Variants in TNKS observed in about 807,000 individuals in gnomAD.
TNKS encodes tankyrase.
In TNKS, 72 loss-of-function variants were observed where a neutral mutation model predicts 135.8. The ratio of observed to expected loss-of-function variants is 0.53; its 90% CI spans 0.44 to 0.64. The LOEUF is 0.64. Ranked by LOEUF, TNKS falls within the 30% of genes least tolerant of loss-of-function variation. The pLI, the probability that TNKS is intolerant of heterozygous loss-of-function variation, is 0.00. For missense variants in TNKS, 1,769 were observed against 1,674.0 expected, an observed-to-expected ratio of 1.06 and a Z score of -0.99; for synonymous variants, 849 against 649.3, an observed-to-expected ratio of 1.31 and a Z score of -4.68.
chr8:9,698,796 C>G (rs1803653937), intron 5 of TNKS, among the ~76,000 whole-genome samples: 1 of 152,156 alleles, frequency 6.6e-6, no homozygotes, highest in East Asian at 1.9e-4. Context: ...TACTGCACCG[C>G]AAATCTATAT....
intron 3 of TNKS, among the ~76,000 whole-genome samples, chr8:9,627,608 C>A (rs1353476100): frequency 1.3e-5 from 2 of 151,842 alleles, no homozygotes; most frequent in Admixed American, 1.3e-4. Flanking sequence ...GGGGAAAACT[C>A]CCCACACATT....
intron 1 of TNKS, among the ~76,000 whole-genome samples, chr8:9,561,109 C>G (rs1404280546): frequency 1.3e-5 from 2 of 152,130 alleles, no homozygotes; most frequent in African/African-American, 4.8e-5. Flanking sequence ...CATATATGTT[C>G]TTTTATCCGT....
chr8:9,706,123 A>T, intron 6 of TNKS, 64 bp from the exon 7 acceptor site: 1 of 1,100,228 alleles, frequency 9.1e-7, no homozygotes, highest in Non-Finnish European at 1.3e-6. Flanking sequence ...TTTATTTCTT[A>T]GTACGACATG....
intron 5 of TNKS, among the ~76,000 whole-genome samples, chr8:9,683,034 A>G (rs1802848563): frequency 1.3e-5 from 2 of 152,020 alleles, no homozygotes. Flanking sequence ...AAACTTAAGC[A>G]TTTATTAGGT....
At chr8:9,757,960 A>G (rs10111376) in intron 20 of TNKS, among the ~76,000 whole-genome samples, 65,637 of 152,024 alleles carry the variant, frequency 0.43, 14,663 homozygotes, top group East Asian at 0.52. Context: ...ATTGGACACC[A>G]TGTAACTCAC....
At chr8:9,761,432 C>G in intron 20 of TNKS, 84 bp from the exon 21 acceptor site, 6 of 1,384,750 alleles carry the variant, frequency 4.3e-6, no homozygotes, top group Admixed American at 2.0e-5. Context: ...GAATGGTACT[C>G]GTAGCATTGA....
chr8:9,574,259 G>C (rs551389859), intron 1 of TNKS, among the ~76,000 whole-genome samples: 3 of 152,310 alleles, frequency 2.0e-5, no homozygotes, highest in African/African-American at 7.2e-5. Context: ...CAGAAAAGCA[G>C]TTCATCGGGG....
chr8:9,764,406 C>G (rs1198374167), intron 22 of TNKS, among the ~76,000 whole-genome samples: 1 of 152,034 alleles, frequency 6.6e-6, no homozygotes, highest in East Asian at 1.9e-4. Flanking sequence ...TTGACTTAAT[C>G]AGAGTGTTAG....
intron 19 of TNKS, among the ~76,000 whole-genome samples, 192 bp from the exon 20 acceptor site, chr8:9,752,352 C>T (rs1806589025): frequency 6.6e-6 from 1 of 152,036 alleles, no homozygotes; most frequent in African/African-American, 2.4e-5. Context: ...AAAGATAAAA[C>T]ACTCTGTTTT....
Position 9,634,903 on chromosome 8 carries a change from C to G in TNKS, c.994+19226C>G, listed in dbSNP as rs28449585. 2.4e-4 allele frequency among the ~76,000 whole-genome samples: 36 copies of G among 152,098 alleles called. 1 individual carries two copies. The highest frequency in any genetic ancestry group is 8.5e-4 in the African/African-American group (35 of 41,402). On this transcript the variant is annotated intron_variant, in intron 3 of 26. Transcript: ENST00000310430. ...GAAAGTAATGAACTGCTCGGCCGGG[C>G]GCGGTGGCTCACTCCTGTAATCCCG...
rs147459978 is a variant in TNKS, at chr8:9,676,686, CTGTGTGTGTG to C, written c.995-3249_995-3240del. The stretch of plus-strand genomic sequence containing the variant: ...CTCGTATTTCTCCCTCTCTCTCTCT[CTGTGTGTGTG>C]TGTGTGTGTGTGTGTTTGTGTGTGT... On this transcript the variant is annotated intron_variant, in intron 3 of 26. Coordinates refer to ENST00000310430, the MANE Select transcript of TNKS (RefSeq NM_003747.3). Among the ~76,000 whole-genome samples, 27 of 147,886 alleles carry C rather than the reference CTGTGTGTGTG, an allele frequency of 1.8e-4. 3 individuals carry two copies. Among genetic ancestry groups the C allele is most frequent in the African/African-American group, 6.5e-4 (26 of 39,932 alleles).
chr8:9,686,081 A>C (rs1467316132), intron 5 of TNKS, among the ~76,000 whole-genome samples: 1 of 152,008 alleles, frequency 6.6e-6, no homozygotes, highest in Non-Finnish European at 1.5e-5. Flanking sequence ...TGCCACACTG[A>C]CTCTGGGCTT....
At chr8:9,680,860 G>A (rs1327097909) in intron 5 of TNKS, 60 bp downstream of exon 5, 1 of 1,297,574 alleles carries the variant, frequency 7.7e-7, no homozygotes. Context: ...TGTGAATGTG[G>A]CATATATATA....
At chr8:9,756,866 C>G (rs1294947897) in intron 20 of TNKS, among the ~76,000 whole-genome samples, 1 of 152,122 alleles carries the variant, frequency 6.6e-6, no homozygotes, top group East Asian at 1.9e-4. Context: ...CAAATCTGCC[C>G]TTCATAATGC....
intron 1 of TNKS, among the ~76,000 whole-genome samples, chr8:9,563,254 C>G (rs1797406463): frequency 1.3e-5 from 2 of 152,220 alleles, no homozygotes; most frequent in Non-Finnish European, 2.9e-5. Context: ...CCCCTGATAA[C>G]TGTCACTTTC....
intron 25 of TNKS, among the ~76,000 whole-genome samples, chr8:9,769,247 G>C (rs922714994): frequency 6.6e-6 from 1 of 152,190 alleles, no homozygotes; most frequent in Non-Finnish European, 1.5e-5. Context: ...ATTGCAGGCT[G>C]GATTGAGCCA....
intron 17 of TNKS, among the ~76,000 whole-genome samples, chr8:9,744,427 C>T (rs1806130841): frequency 6.6e-6 from 1 of 152,110 alleles, no homozygotes; most frequent in African/African-American, 2.4e-5. Flanking sequence ...TGTAATAAAG[C>T]CTCTGTACAA....
Position 9,555,981 on chromosome 8 carries a change from T to A in TNKS, c.42T>A (p.His14Gln), listed in dbSNP as rs1815265611. The A allele has an allele frequency of 6.2e-7, 1 of 1,613,414 alleles. No individual in the cohort carries two copies. ...SRRSQHHHHH[H>Q]QQQLQPAPGA... ...GCTCTCAGCATCATCACCACCATCA[T>A]CAACAACAGCTCCAGCCCGCCCCAG... The change falls in exon 1 of 27, where the codon CAT (histidine) becomes CAA (glutamine). Residue 14 changes from histidine to glutamine, a missense_variant. By Grantham distance (24) the His-to-Gln change is conservative. Around this residue, in one of 5 missense-constraint regions of TNKS, gnomAD observed 450 missense variants for 304.9 expected, o/e 1.48. Coordinates refer to ENST00000310430, the MANE Select transcript of TNKS (RefSeq NM_003747.3).
At chr8:9,776,617 A>C (rs1048688105) in intron 26 of TNKS, 33 bp from the exon 27 acceptor site, 50 of 1,598,652 alleles carry the variant, frequency 3.1e-5, no homozygotes, top group Non-Finnish European at 4.2e-5. Flanking sequence ...GCCTACTAGA[A>C]GGGTGATTTG....
Sources: gnomAD v4.1 joint callset for allele counts (sites outside exome capture counted in the v4.1 genomes callset) on GRCh38, gnomAD v4.1.1 for gene constraint, gnomAD v4.1.1 regional missense constraint, MANE v1.5 for transcripts, NCBI Gene and HGNC (gene_info 2026-07-23, HGNC 2026-07-21) for gene names.